The following RELN variants were observed in gnomAD, a reference collection of about 807,000 sequenced individuals.
RELN encodes reelin.
Under a neutral mutation model 427.6 loss-of-function variants are expected in RELN, and 108 were observed. The observed-to-expected ratio is 0.25, with a 90% confidence interval of 0.22 to 0.30. RELN has a LOEUF of 0.30. RELN is among the 10% of genes least tolerant of loss of function. The pLI, the probability that RELN is intolerant of heterozygous loss-of-function variation, is 1.00. For synonymous variants in RELN, 1,524 were observed against 1,513.4 expected, an observed-to-expected ratio of 1.01 and a Z score of -0.16; for missense variants, 3,715 against 4,302.8, an observed-to-expected ratio of 0.86 and a Z score of 3.82.
At chr7:103,654,233 T>A in intron 12 of RELN, 28 bp from the exon 13 acceptor site, 1 of 1,097,946 alleles carries the variant, frequency 9.1e-7, no homozygotes, top group Non-Finnish European at 1.4e-6. Context: ...TTTAAGTTGC[T>A]AGTACCAACT....
chr7:103,742,203 G>T (rs950973156), intron 6 of RELN, among the ~76,000 whole-genome samples: 5 of 152,146 alleles, frequency 3.3e-5, no homozygotes, highest in African/African-American at 1.2e-4. Context: ...GCAGCTAAGG[G>T]TCCTGTCTGT....
intron 10 of RELN, among the ~76,000 whole-genome samples, chr7:103,684,364 A>C (rs2299362): frequency 0.035 from 5,298 of 152,256 alleles, 301 homozygotes; most frequent in African/African-American, 0.12. Flanking sequence ...GCCTGAATGC[A>C]TTCAGATTGA....
intron 2 of RELN, among the ~76,000 whole-genome samples, chr7:103,907,233 T>C (rs1221418276): frequency 2.0e-5 from 3 of 151,380 alleles, no homozygotes; most frequent in Non-Finnish European, 4.4e-5. Context: ...CTGGACAACG[T>C]GGTGAAACCC....
chr7:103,797,333 A>T (rs141183300), intron 3 of RELN, among the ~76,000 whole-genome samples: 155 of 152,218 alleles, frequency 1.0e-3, no homozygotes, highest in African/African-American at 3.4e-3. Flanking sequence ...TCGAACTCCC[A>T]ACCTCAGGTG....
chr7:103,692,863 C>T (rs975759510), intron 10 of RELN, among the ~76,000 whole-genome samples: 1 of 151,946 alleles, frequency 6.6e-6, no homozygotes, highest in African/African-American at 2.4e-5. Flanking sequence ...AGGAGGGAGA[C>T]ATTAGCTATG....
intron 31 of RELN, among the ~76,000 whole-genome samples, chr7:103,568,442 G>T (rs1168538185): frequency 2.0e-5 from 3 of 152,182 alleles, no homozygotes; most frequent in Non-Finnish European, 1.5e-5. Flanking sequence ...AGAACTCTTT[G>T]GGGGAGACAG....
chr7:103,754,750 T>C (rs1377199816), intron 4 of RELN, among the ~76,000 whole-genome samples: 1 of 152,116 alleles, frequency 6.6e-6, no homozygotes, highest in East Asian at 1.9e-4. Flanking sequence ...CACTCCAGCC[T>C]GAGCAAGAGA....
At chr7:103,933,001 T>C (rs1795898213) in intron 1 of RELN, among the ~76,000 whole-genome samples, 1 of 152,138 alleles carries the variant, frequency 6.6e-6, no homozygotes. Context: ...AGTGTGTTGG[T>C]AAATGTGCAA....
intron 58 of RELN, 95 bp downstream of exon 58, chr7:103,491,846 TCTCTCTCTCTCA>T (rs1163220437): frequency 1.5e-4 from 89 of 609,894 alleles, no homozygotes; most frequent in African/African-American, 1.1e-3. Context: ...TCTCTCTCTC[TCTCTCTCTCTCA>T]CACACACACA....
chr7:103,677,724 C>G lies in RELN; in HGVS notation c.1289+4392G>C, dbSNP rs897913066. On this transcript the variant is annotated intron_variant, in intron 11 of 64. Coordinates refer to ENST00000428762, the MANE Select transcript of RELN (RefSeq NM_005045.4). ...GAGGTTGCAGTAAGCTGATATAGCA[C>G]CACTGCACTCCAGCCTGGGCGACAG... Among the ~76,000 whole-genome samples, 26 of 136,940 alleles carry G rather than the reference C, an allele frequency of 1.9e-4. 1 individual carries two copies. The highest frequency in any genetic ancestry group is 6.8e-4 in the African/African-American group (25 of 36,652). 89.8% of individuals were successfully genotyped at this position (136,940 alleles called of 152,430 possible).
intron 28 of RELN, among the ~76,000 whole-genome samples, chr7:103,576,835 T>C (rs1229260942): frequency 1.3e-5 from 2 of 152,250 alleles, no homozygotes; most frequent in African/African-American, 4.8e-5. Flanking sequence ...GCTGGGCTAC[T>C]GCCCAGTTTT....
At chr7:103,981,985 G>A (rs370177883) in intron 1 of RELN, among the ~76,000 whole-genome samples, 46 of 152,158 alleles carry the variant, frequency 3.0e-4, no homozygotes, top group African/African-American at 1.0e-3. Flanking sequence ...TGGCCAACAC[G>A]GCAAAACCCT....
intron 43 of RELN, 35 bp downstream of exon 43, chr7:103,542,696 T>C: frequency 1.9e-6 from 3 of 1,611,726 alleles, no homozygotes; most frequent in East Asian, 2.2e-5. Flanking sequence ...TACATTACGA[T>C]GTGGTTTTTT....
chr7:103,833,183 G>C (rs530767790), intron 3 of RELN, among the ~76,000 whole-genome samples: 1 of 152,156 alleles, frequency 6.6e-6, no homozygotes, highest in South Asian at 2.1e-4. Flanking sequence ...ATGCTGTGCA[G>C]ATTTCCAAAT....
intron 59 of RELN, 141 bp downstream of exon 59, chr7:103,490,527 A>G (rs1828614544): frequency 1.1e-6 from 1 of 881,620 alleles, no homozygotes; most frequent in Non-Finnish European, 1.9e-6. Flanking sequence ...GAGAGGAGGG[A>G]GAAAAGGAGG....
chr7:103,885,965 T>C (rs1403423499), intron 2 of RELN, among the ~76,000 whole-genome samples: 1 of 152,152 alleles, frequency 6.6e-6, no homozygotes, highest in Non-Finnish European at 1.5e-5. Flanking sequence ...GAAATGGTGA[T>C]TATTTTAATC....
In RELN at chr7:103,604,435, T is replaced by C. The variant is rs1341689877; in HGVS notation, c.3057A>G (p.Gln1019=). Residue 1019 remains glutamine, a synonymous_variant, in exon 23 of 65, where the codon CAA becomes CAG. Transcript: ENST00000428762. ...FRWSQSYYTA[Q]DEWALDSIYI... is the part of the protein sequence containing the mutation. Reference sequence around the variant, plus strand: ...AAATGCTGTCCAAAGCCCACTCGTCTTGAGCTGTGTAATAGCTCTGGCTCC... The same window carrying C: ...AAATGCTGTCCAAAGCCCACTCGTCCTGAGCTGTGTAATAGCTCTGGCTCC... 2 of 1,613,838 alleles carry C rather than the reference T, an allele frequency of 1.2e-6. No individual in the cohort carries two copies. The highest frequency in any genetic ancestry group is 1.7e-6 in the Non-Finnish European group (2 of 1,179,878).
At chr7:103,929,848 G>A (rs187055768) in intron 1 of RELN, among the ~76,000 whole-genome samples, 1 of 152,320 alleles carries the variant, frequency 6.6e-6, no homozygotes, top group Admixed American at 6.5e-5. Flanking sequence ...TGACTTCAAC[G>A]CATCCGGCAA....
intron 3 of RELN, among the ~76,000 whole-genome samples, chr7:103,829,499 G>A (rs977201633): frequency 6.6e-6 from 1 of 151,872 alleles, no homozygotes; most frequent in Non-Finnish European, 1.5e-5. Context: ...CACAGGATCT[G>A]AATACCCAGC....
Sources: allele counts gnomAD v4.1 joint callset (sites outside exome capture counted in the v4.1 genomes callset), GRCh38; gene constraint gnomAD v4.1.1; transcripts MANE v1.5; gene names NCBI Gene and HGNC (gene_info 2026-07-23, HGNC 2026-07-21).